The following ZDHHC17 variants were observed in gnomAD, a reference collection of about 807,000 sequenced individuals.
ZDHHC17 encodes zDHHC palmitoyltransferase 17, also known as palmitoyltransferase ZDHHC17.
ZDHHC17 carries 40 observed loss-of-function variants against 90.3 expected under a neutral mutation model. That is an observed-to-expected ratio of 0.44 (90% CI 0.34 to 0.58). ZDHHC17 has a LOEUF of 0.58. Among genes scored for constraint, ZDHHC17 ranks in the 20% least tolerant of loss-of-function variants. The pLI, the probability that ZDHHC17 is intolerant of heterozygous loss-of-function variation, is 0.01. For synonymous variants in ZDHHC17, 235 were observed against 252.4 expected (o/e 0.93, Z 0.65); for missense variants, 614 against 780.8 (o/e 0.79, Z 2.55).
intron 10 of ZDHHC17, 55 bp from the exon 11 acceptor site, chr12:76,841,927 T>C (rs1953440334): frequency 7.7e-7 from 1 of 1,299,204 alleles, no homozygotes; most frequent in Non-Finnish European, 1.0e-6. Flanking sequence ...TATAAGTTTA[T>C]ATATAATAGT....
chr12:76,795,283 G>T (rs775048292), intron 1 of ZDHHC17, among the ~76,000 whole-genome samples: 2 of 151,836 alleles, frequency 1.3e-5, no homozygotes, highest in Non-Finnish European at 2.9e-5. Flanking sequence ...CCATTAAAAC[G>T]TTGTTGTTTT....
chr12:76,808,880 C>T (rs866130800), intron 3 of ZDHHC17, among the ~76,000 whole-genome samples, 163 bp from the exon 4 acceptor site: 8 of 150,728 alleles, frequency 5.3e-5, no homozygotes, highest in Non-Finnish European at 1.0e-4. Context: ...ATATAAAATT[C>T]TGCTAAATAT....
intron 10 of ZDHHC17, among the ~76,000 whole-genome samples, chr12:76,837,620 A>T (rs975314838): frequency 6.6e-6 from 1 of 152,178 alleles, no homozygotes; most frequent in Non-Finnish European, 1.5e-5. Context: ...TCTTTTCAGG[A>T]TGCAGTATTT....
intron 7 of ZDHHC17, chr12:76,821,017 G>A: frequency 8.3e-7 from 1 of 1,200,622 alleles, no homozygotes; most frequent in Non-Finnish European, 1.1e-6. Flanking sequence ...TGGAGGAGTA[G>A]TTGAAAGATA....
At chr12:76,840,716 C>A (rs1220279571) in intron 10 of ZDHHC17, among the ~76,000 whole-genome samples, 2 of 152,100 alleles carry the variant, frequency 1.3e-5, no homozygotes, top group African/African-American at 4.8e-5. Context: ...TTTGAAGATA[C>A]CTAATTTCTT....
intron 10 of ZDHHC17, among the ~76,000 whole-genome samples, chr12:76,838,367 C>T (rs1347481682): frequency 6.6e-6 from 1 of 152,090 alleles, no homozygotes; most frequent in Non-Finnish European, 1.5e-5. Flanking sequence ...TCATCTTGCT[C>T]GTGATTGACC....
chr12:76,785,203 T>C (rs1301911988), intron 1 of ZDHHC17, among the ~76,000 whole-genome samples: 1 of 152,206 alleles, frequency 6.6e-6, no homozygotes, highest in Non-Finnish European at 1.5e-5. Flanking sequence ...CAGGTAATAA[T>C]ATGAAAAATA....
At chr12:76,827,748 C>A (rs143182652) in intron 9 of ZDHHC17, among the ~76,000 whole-genome samples, 173 of 152,120 alleles carry the variant, frequency 1.1e-3, no homozygotes, top group African/African-American at 3.7e-3. Context: ...TGGCTTAAAT[C>A]TAGTTAGTGA....
chr12:76,813,251 C>T (rs1953046590), intron 5 of ZDHHC17: 1 of 384,544 alleles, frequency 2.6e-6, no homozygotes. Context: ...ATAGTTACTT[C>T]TCATATAAGA....
intron 15 of ZDHHC17, among the ~76,000 whole-genome samples, chr12:76,848,943 C>G (rs571987822): frequency 1.3e-5 from 2 of 151,656 alleles, no homozygotes; most frequent in Non-Finnish European, 2.9e-5. Flanking sequence ...TTATCTTTAT[C>G]CTAGTTTTCT....
chr12:76,775,341 A>G (rs763265708), intron 1 of ZDHHC17, among the ~76,000 whole-genome samples: 2 of 152,190 alleles, frequency 1.3e-5, no homozygotes, highest in Non-Finnish European at 2.9e-5. Context: ...AAGAAATGCT[A>G]TATTTCAGTG....
chr12:76,812,944 C>T (rs1311966106), intron 5 of ZDHHC17, among the ~76,000 whole-genome samples: 1 of 152,018 alleles, frequency 6.6e-6, no homozygotes, highest in Non-Finnish European at 1.5e-5. Context: ...GTTAATTCTT[C>T]CTAATAGAGA....
In ZDHHC17 at chr12:76,809,056, A is replaced by G; in HGVS notation, c.334A>G (p.Lys112Glu). 1.3e-6 allele frequency: 2 copies of G among 1,531,540 alleles called. No homozygotes were observed. The highest frequency in any genetic ancestry group is 2.8e-5 in the African/African-American group (2 of 71,262). 94.9% of individuals were successfully genotyped at this position (1,531,540 alleles called of 1,614,324 possible). Residue 112 changes from lysine to glutamate, a missense_variant, in exon 4 of 17, where the codon AAA becomes GAA. Physicochemically the swap from Lys to Glu is moderately conservative, Grantham distance 56. Coordinates refer to ENST00000426126, the MANE Select transcript of ZDHHC17 (RefSeq NM_015336.4). ...TTTGTCTTATAGATACTATATTTCG[A>G]AAGGTGCTATTGTGGATCAACTTGG... ...RIDLVKYYIS[K>E]GAIVDQLGGD...
At chr12:76,783,651 C>T (rs557396468) in intron 1 of ZDHHC17, among the ~76,000 whole-genome samples, 94 of 152,318 alleles carry the variant, frequency 6.2e-4, no homozygotes, top group African/African-American at 2.2e-3. Flanking sequence ...TTATTTTCAT[C>T]CTTTAATAGG....
intron 8 of ZDHHC17, among the ~76,000 whole-genome samples, chr12:76,826,104 C>T (rs1205583567): frequency 6.6e-6 from 1 of 152,286 alleles, no homozygotes; most frequent in Middle Eastern, 3.4e-3. Context: ...AAGGCATGAG[C>T]CACCATGCCC....
At chr12:76,770,512 G>A (rs1329152817) in intron 1 of ZDHHC17, among the ~76,000 whole-genome samples, 1 of 152,202 alleles carries the variant, frequency 6.6e-6, no homozygotes, top group African/African-American at 2.4e-5. Context: ...AGATACCTCA[G>A]GATAGATGAG....
chr12:76,790,316 A>G (rs544806939), intron 1 of ZDHHC17, among the ~76,000 whole-genome samples: 21 of 152,250 alleles, frequency 1.4e-4, no homozygotes, highest in African/African-American at 4.6e-4. Flanking sequence ...AGCCTGGCCA[A>G]CATGGTGAAA....
intron 2 of ZDHHC17, among the ~76,000 whole-genome samples, chr12:76,800,741 A>T (rs1952876342): frequency 6.6e-6 from 1 of 152,076 alleles, no homozygotes; most frequent in South Asian, 2.1e-4. Context: ...CTTTGGATCT[A>T]AAGTGTGTCT....
At chr12:76,794,600 T>C (rs1952797535) in intron 1 of ZDHHC17, among the ~76,000 whole-genome samples, 1 of 152,142 alleles carries the variant, frequency 6.6e-6, no homozygotes, top group Non-Finnish European at 1.5e-5. Flanking sequence ...AAAAAATAGA[T>C]ACCTTTTACT....
Sources: gnomAD v4.1 joint callset for allele counts (sites outside exome capture counted in the v4.1 genomes callset) on GRCh38, gnomAD v4.1.1 for gene constraint, MANE v1.5 for transcripts, NCBI Gene and HGNC (gene_info 2026-07-23, HGNC 2026-07-21) for gene names.